Variants in MAOA observed in about 807,000 individuals in gnomAD.
The protein encoded by MAOA is monoamine oxidase A.
MAOA carries 6 observed loss-of-function variants against 42.0 expected under a neutral mutation model. The observed-to-expected ratio is 0.14, with a 90% CI of 0.08 to 0.28. The LOEUF (loss-of-function observed/expected upper bound fraction) is 0.28, where lower values mean the gene tolerates loss of function less well. Ranked by LOEUF, MAOA falls within the 10% of genes least tolerant of loss-of-function variation. The pLI is 1.00. For synonymous variants in MAOA, 140 were observed against 154.0 expected (o/e 0.91, Z 0.67); for missense variants, 262 against 422.3 (o/e 0.62, Z 3.33).
At chrX:43,717,904 A>G (rs2033757255) in intron 5 of MAOA, among the ~76,000 whole-genome samples, 1 of 109,959 alleles carries the variant, frequency 9.1e-6, no homozygotes, top group Admixed American at 9.7e-5. Context: ...TGACCCACAG[A>G]GCCAAGGGGG....
At chrX:43,671,892 G>C (rs2033339872) in intron 1 of MAOA, among the ~76,000 whole-genome samples, 1 of 106,275 alleles carries the variant, frequency 9.4e-6, no homozygotes, top group South Asian at 4.3e-4. Context: ...CTCCAGCTTT[G>C]TTCTTTTGGC....
At chrX:43,733,225 A>G (rs1486013361) in intron 9 of MAOA, among the ~76,000 whole-genome samples, 2 of 112,547 alleles carry the variant, frequency 1.8e-5, no homozygotes, top group Non-Finnish European at 3.8e-5. Flanking sequence ...TATCTGCTAC[A>G]TAGCAAATGT....
chrX:43,675,103 C>T (rs1389595789), intron 1 of MAOA, among the ~76,000 whole-genome samples: 1 of 111,880 alleles, frequency 8.9e-6, no homozygotes, highest in Non-Finnish European at 1.9e-5. Context: ...TTGGTCTCTT[C>T]ACATAGTCCC....
chrX:43,667,473 A>G (rs1244542285), intron 1 of MAOA, among the ~76,000 whole-genome samples: 1 of 111,520 alleles, frequency 9.0e-6, no homozygotes, highest in Non-Finnish European at 1.9e-5. Flanking sequence ...GGTTTATGAT[A>G]CTTGTGAAGG....
In MAOA at chrX:43,742,560, G is replaced by A. The variant is rs778616141; in HGVS notation, c.1262+513G>A. 2.7e-5 allele frequency among the ~76,000 whole-genome samples: 3 copies of A among 112,488 alleles called. No homozygotes were observed. The East Asian group carries it at 8.4e-4, about 32-fold the overall frequency. The stretch of plus-strand genomic sequence containing the variant: ...GACCTAGAAGCCCCTTGCTCCATGG[G>A]AGCCATTATCTCTATGCTTCATAGG... On this transcript the variant is annotated intron_variant, in intron 12 of 14. Transcript: ENST00000338702.
intron 1 of MAOA, among the ~76,000 whole-genome samples, chrX:43,679,348 A>G (rs2033425023): frequency 9.2e-6 from 1 of 108,681 alleles, no homozygotes; most frequent in African/African-American, 3.4e-5. Context: ...CATTCATAAA[A>G]CTTGTTTAGA....
At chrX:43,713,848 G>A (rs748691408) in intron 5 of MAOA, among the ~76,000 whole-genome samples, 6 of 111,806 alleles carry the variant, frequency 5.4e-5, no homozygotes, top group Non-Finnish European at 9.4e-5. Flanking sequence ...ATCGGGGCAG[G>A]GGGGAGTCAG....
At chrX:43,663,978 C>T (rs73211189) in intron 1 of MAOA, among the ~76,000 whole-genome samples, 14,058 of 111,447 alleles carry the variant, frequency 0.13, 831 homozygotes, top group Middle Eastern at 0.23. Context: ...CGTATTTTTA[C>T]GCATAGATGT....
At chrX:43,670,749 C>A (rs1045090486) in intron 1 of MAOA, among the ~76,000 whole-genome samples, 11 of 108,969 alleles carry the variant, frequency 1.0e-4, no homozygotes, top group African/African-American at 3.7e-4. Context: ...TTTCCAATTT[C>A]ATCCATGTCC....
At position 43,731,244 on chromosome X, in the gene MAOA, C is replaced by T. The variant is rs762184021; in HGVS notation, c.649C>T (p.Arg217Trp). The T allele has an allele frequency of 3.3e-6, 4 of 1,208,257 alleles. No homozygotes were observed. The highest frequency in any genetic ancestry group is 3.0e-5 in the East Asian group (1 of 33,719). The change falls in exon 7 of 15, where the codon CGG becomes TGG. Residue 217 changes from arginine to tryptophan, a missense_variant. Coordinates refer to ENST00000338702, the MANE Select transcript of MAOA (RefSeq NM_000240.4). ...IFSVTNGGQE[R>W]KFVGGSGQVS... ...TCTTACCTACCTCCTCCTGTAGGAACGGAAGTTTGTAGGTGGATCTGGTCA... is the reference window on the plus strand; with the variant it reads ...TCTTACCTACCTCCTCCTGTAGGAATGGAAGTTTGTAGGTGGATCTGGTCA...
At chrX:43,728,371 T>C (rs2033855873) in intron 6 of MAOA, 57 bp downstream of exon 6, 1 of 1,140,116 alleles carries the variant, frequency 8.8e-7, no homozygotes, top group Non-Finnish European at 1.2e-6. Flanking sequence ...TTTTGCTTTC[T>C]CCCAGGGCAG....
intron 7 of MAOA, 112 bp from the exon 8 acceptor site, chrX:43,731,582 T>G (rs752468652): frequency 1.2e-5 from 11 of 922,196 alleles, no homozygotes; most frequent in Non-Finnish European, 1.7e-5. Context: ...TTTCTCATTT[T>G]GTATGTTTTT....
At chrX:43,673,401 C>T (rs1280288341) in intron 1 of MAOA, among the ~76,000 whole-genome samples, 1 of 109,109 alleles carries the variant, frequency 9.2e-6, no homozygotes, top group Admixed American at 9.7e-5. Flanking sequence ...CTCCTGGATT[C>T]GTTAATTTTT....
At chrX:43,687,216 C>T (rs1033426658) in intron 2 of MAOA, among the ~76,000 whole-genome samples, 5 of 112,012 alleles carry the variant, frequency 4.5e-5, no homozygotes, top group African/African-American at 1.3e-4. Context: ...ACAGTGTTAC[C>T]GCTTCTAGTG....
At chrX:43,740,597 C>A in intron 10 of MAOA, 84 bp from the exon 11 acceptor site, 1 of 841,107 alleles carries the variant, frequency 1.2e-6, no homozygotes. Context: ...ACCAAGAGCT[C>A]TAGAACTCAC....
intron 3 of MAOA, among the ~76,000 whole-genome samples, chrX:43,708,001 T>G (rs1013012363): frequency 5.4e-5 from 6 of 112,083 alleles, no homozygotes; most frequent in African/African-American, 1.6e-4. Flanking sequence ...AAGAATTATG[T>G]GGGAGCCATA....
At chrX:43,683,759 G>A (rs866905047) in intron 2 of MAOA, 152 bp downstream of exon 2, 32 of 461,107 alleles carry the variant, frequency 6.9e-5, no homozygotes, top group African/African-American at 4.6e-4. Context: ...TCAAATAAGC[G>A]TCCATTCTCT....
At chrX:43,690,992 G>T (rs906631124) in intron 2 of MAOA, among the ~76,000 whole-genome samples, 50 of 111,254 alleles carry the variant, frequency 4.5e-4, no homozygotes, top group African/African-American at 1.6e-3. Context: ...CAACAAAGAG[G>T]ATCAATAAAA....
intron 1 of MAOA, among the ~76,000 whole-genome samples, chrX:43,659,519 T>C (rs770756966): frequency 9.9e-5 from 11 of 111,480 alleles, no homozygotes; most frequent in African/African-American, 3.3e-4. Flanking sequence ...TTTTGAAAGG[T>C]TTCACTGTTC....
Sources: gnomAD v4.1 joint callset for allele counts (sites outside exome capture counted in the v4.1 genomes callset) on GRCh38, gnomAD v4.1.1 for gene constraint, MANE v1.5 for transcripts, NCBI Gene and HGNC (gene_info 2026-07-23, HGNC 2026-07-21) for gene names.